DSE: variants seen among roughly 807,000 people sequenced by gnomAD.
DSE encodes the protein dermatan-sulfate epimerase.
In DSE, 36 loss-of-function variants were observed where a neutral mutation model predicts 84.4. That is an observed-to-expected ratio of 0.43 (90% CI 0.33 to 0.56). The LOEUF (loss-of-function observed/expected upper bound fraction) is 0.56, where lower values mean the gene tolerates loss of function less well. Ranked by LOEUF, DSE falls within the 20% of genes least tolerant of loss-of-function variation. The pLI is 0.06. For missense variants in DSE, 862 were observed against 1,169.6 expected (o/e 0.74, Z 3.84); for synonymous variants, 410 against 430.1 (o/e 0.95, Z 0.58).
intron 2 of DSE, among the ~76,000 whole-genome samples, chr6:116,418,982 G>A (rs1018325171): frequency 1.3e-5 from 2 of 152,126 alleles, no homozygotes; most frequent in African/African-American, 4.8e-5. Flanking sequence ...TTAATATGAA[G>A]TACACTCCCC....
chr6:116,341,447 A>G (rs1777587854), intron 2 of DSE, among the ~76,000 whole-genome samples: 1 of 152,118 alleles, frequency 6.6e-6, no homozygotes, highest in Non-Finnish European at 1.5e-5. Flanking sequence ...CTCTGATGGT[A>G]GTTTCTTTTG....
intron 2 of DSE, among the ~76,000 whole-genome samples, chr6:116,314,836 A>G (rs764784715): frequency 1.3e-5 from 2 of 152,204 alleles, no homozygotes; most frequent in Non-Finnish European, 2.9e-5. Flanking sequence ...TGGAGCTACA[A>G]GCAAAGTGAG....
At chr6:116,320,530 G>A (rs1302383791) in intron 2 of DSE, among the ~76,000 whole-genome samples, 1 of 152,002 alleles carries the variant, frequency 6.6e-6, no homozygotes, top group African/African-American at 2.4e-5. Context: ...CTCCTTTAGG[G>A]AAGGAGGTGT....
intron 2 of DSE, among the ~76,000 whole-genome samples, chr6:116,406,889 G>T (rs1331754858): frequency 1.3e-5 from 2 of 152,142 alleles, no homozygotes; most frequent in Admixed American, 6.5e-5. Context: ...GGTTTAGAAA[G>T]CTTTCTGTTT....
chr6:116,314,396 C>T (rs1207254817), intron 2 of DSE, among the ~76,000 whole-genome samples: 1 of 151,972 alleles, frequency 6.6e-6, no homozygotes, highest in Admixed American at 6.6e-5. Flanking sequence ...TGGGTTTTAA[C>T]CTTTATAGTT....
intron 2 of DSE, among the ~76,000 whole-genome samples, chr6:116,417,872 A>G (rs1782817917): frequency 2.0e-5 from 3 of 152,234 alleles, no homozygotes; most frequent in African/African-American, 7.2e-5. Context: ...AAAGGTAAAC[A>G]ATACCGGACA....
chr6:116,407,434 G>A (rs1782007035), intron 2 of DSE, among the ~76,000 whole-genome samples: 1 of 152,166 alleles, frequency 6.6e-6, no homozygotes, highest in African/African-American at 2.4e-5. Context: ...ACTGCCAACT[G>A]TATGGACAGA....
At chr6:116,266,733 A>G (rs10782183) in intron 2 of DSE, among the ~76,000 whole-genome samples, 34,670 of 152,046 alleles carry the variant, frequency 0.23, 5,369 homozygotes, top group East Asian at 0.64. Flanking sequence ...ATTGAAAGTT[A>G]TTTTCTTTCT....
chr6:116,419,376 A>T (rs1782931188), intron 2 of DSE, among the ~76,000 whole-genome samples: 1 of 152,252 alleles, frequency 6.6e-6, no homozygotes, highest in Admixed American at 6.5e-5. Flanking sequence ...TCATGTTTTT[A>T]AAAGGAGTGG....
At chr6:116,283,386 C>T (rs957529) in intron 2 of DSE, among the ~76,000 whole-genome samples, 116,041 of 152,166 alleles carry the variant, frequency 0.76, 45,649 homozygotes, top group East Asian at 1. Flanking sequence ...AATTGTGCTT[C>T]TCCTCTTAGG....
intron 2 of DSE, among the ~76,000 whole-genome samples, chr6:116,423,329 G>A (rs1402463909): frequency 6.6e-6 from 1 of 152,022 alleles, no homozygotes; most frequent in Non-Finnish European, 1.5e-5. Flanking sequence ...TAGAAGATTA[G>A]GGAAAAACTC....
intron 2 of DSE, among the ~76,000 whole-genome samples, chr6:116,318,642 C>T (rs1454531928): frequency 6.6e-6 from 1 of 152,188 alleles, no homozygotes; most frequent in African/African-American, 2.4e-5. Context: ...GTTTGTGTTT[C>T]TCAGCTATAC....
At chr6:116,434,494 T>G (rs1784036853) in intron 5 of DSE, among the ~76,000 whole-genome samples, 1 of 152,108 alleles carries the variant, frequency 6.6e-6, no homozygotes, top group African/African-American at 2.4e-5. Flanking sequence ...CTCTCAGGAG[T>G]ATGACATAAT....
chr6:116,287,337 T>C (rs1164033886), intron 2 of DSE, among the ~76,000 whole-genome samples: 1 of 152,132 alleles, frequency 6.6e-6, no homozygotes, highest in African/African-American at 2.4e-5. Context: ...ATTTTGCTTT[T>C]CCCTTTCCTT....
chr6:116,330,202 A>G (rs1279522716), intron 2 of DSE, among the ~76,000 whole-genome samples: 1 of 152,236 alleles, frequency 6.6e-6, no homozygotes, highest in Non-Finnish European at 1.5e-5. Context: ...TTAATTTATT[A>G]TTAGCATGAT....
chr6:116,337,184 T>C (rs1199618975), intron 2 of DSE, among the ~76,000 whole-genome samples: 1 of 152,222 alleles, frequency 6.6e-6, no homozygotes, highest in Admixed American at 6.5e-5. Context: ...TATATAGAGC[T>C]GACTCCAGAA....
chr6:116,360,199 CAG>C (rs573745733), intron 2 of DSE, among the ~76,000 whole-genome samples: 297 of 152,142 alleles, frequency 2.0e-3, no homozygotes, highest in Non-Finnish European at 2.9e-3. Flanking sequence ...CTGTGGGTGA[CAG>C]GGGAGGGAGA....
chr6:116,423,189 G>T (rs1410586204), intron 2 of DSE: 1 of 152,170 alleles, frequency 6.6e-6, no homozygotes, highest in Non-Finnish European at 1.5e-5. Flanking sequence ...TAATGAGACA[G>T]TTTTAATAAT....
At chr6:116,419,224 C>G (rs1485075590) in intron 2 of DSE, among the ~76,000 whole-genome samples, 1 of 152,192 alleles carries the variant, frequency 6.6e-6, no homozygotes, top group South Asian at 2.1e-4. Flanking sequence ...CAGATGAGGC[C>G]TCAGAGGTGA....
Sources: gnomAD v4.1 joint callset for allele counts (sites outside exome capture counted in the v4.1 genomes callset) on GRCh38, gnomAD v4.1.1 for gene constraint, MANE v1.5 for transcripts, NCBI Gene and HGNC (gene_info 2026-07-23, HGNC 2026-07-21) for gene names.